INSM1: variants seen among roughly 807,000 people sequenced by gnomAD.
The protein encoded by INSM1 is INSM transcriptional repressor 1, also known as insulinoma-associated protein 1.
A neutral mutation model predicts 21.1 loss-of-function variants in INSM1; 11 were observed. The ratio of observed to expected loss-of-function variants is 0.52; its 90% CI spans 0.33 to 0.86. INSM1 has a LOEUF of 0.86. INSM1 is among the 40% of genes least tolerant of loss of function. The pLI is 0.03. For synonymous variants in INSM1, 473 were observed against 386.1 expected (o/e 1.23, Z -2.64); for missense variants, 843 against 760.1 (o/e 1.11, Z -1.28).
rs775425291 is a variant in INSM1, at chr20:20,369,837, C to T, written c.*37C>T. ...CACCCCGGCCCCCGAACTGTGCCTT[C>T]GCTTGGAGACCCACAAAGAGAGTGC... On this transcript the variant is annotated 3_prime_UTR_variant, in exon 1 of 1. Coordinates refer to ENST00000310227, the MANE Select transcript of INSM1 (RefSeq NM_002196.3). This position sits in a 1 kb window ranked among gnomAD's most constrained non-coding sequence, Gnocchi z 5.6. 66 of 1,543,856 alleles carry T rather than the reference C, an allele frequency of 4.3e-5. No homozygotes were observed. Among genetic ancestry groups the T allele is most frequent in the African/African-American group, 5.5e-5 (4 of 73,026 alleles).
In INSM1 at chr20:20,370,706, C is replaced by T. The variant is rs1444494644; in HGVS notation, c.*906C>T. 6.0e-6 allele frequency: 1 copy of T among 167,004 alleles called. No homozygotes were observed. Among genetic ancestry groups the T allele is most frequent in the Non-Finnish European group, 1.5e-5 (1 of 68,122 alleles). 10.3% of individuals were successfully genotyped at this position (167,004 alleles called of 1,614,324 possible). On this transcript the variant is annotated 3_prime_UTR_variant, in exon 1 of 1. Transcript: ENST00000310227. ...GTGCGTTTTAGAAGAGAGCCTTTTT[C>T]TAAAGGGATCTGCTTAAAGTTTTAA... is the stretch of plus-strand genomic sequence containing the variant.
In INSM1 at chr20:20,369,951, G is replaced by T. The variant is rs568701574; in HGVS notation, c.*151G>T. 3 of 678,424 alleles carry T rather than the reference G, an allele frequency of 4.4e-6. No homozygotes were observed. The Admixed American group carries it at 9.4e-5, about 21-fold the overall frequency. 42.0% of individuals were successfully genotyped at this position (678,424 alleles called of 1,614,324 possible). On this transcript the variant is annotated 3_prime_UTR_variant, in exon 1 of 1. Transcript: ENST00000310227. The surrounding 1 kb of genome is among the most constrained non-coding windows in gnomAD (Gnocchi z 5.6). ...AAGTGTCGTCTCCGCTTCTCTCGGT[G>T]TGGCGTGACGGTAACCCCATACTCT...
chr20:20,369,025 C>G lies in INSM1; in HGVS notation c.758C>G (p.Pro253Arg), dbSNP rs778760230. The G allele has an allele frequency of 1.3e-6, 2 of 1,523,784 alleles. No homozygotes were observed. Among genetic ancestry groups the G allele is most frequent in the Non-Finnish European group, 1.8e-6 (2 of 1,141,082 alleles). The allele number at this position is 1,523,784 out of a possible 1,614,324, so 94.4% of individuals were successfully genotyped here. Residue 253 changes from proline to arginine, a missense_variant, in exon 1 of 1, where the codon CCG becomes CGG. Transcript: ENST00000310227. The surrounding 1 kb of genome is among the most constrained non-coding windows in gnomAD (Gnocchi z 5.6). Reference protein sequence around the residue: ...LKIKEGPVEAPRGRAGGAARP... With the variant: ...LKIKEGPVEARRGRAGGAARP... Reference sequence around the variant, plus strand: ...ATCAAGGAGGGCCCGGTGGAGGCGCCGCGGGGCCGCGCGGGGGGCGCGGCG... The same window carrying G: ...ATCAAGGAGGGCCCGGTGGAGGCGCGGCGGGGCCGCGCGGGGGGCGCGGCG...
Position 20,368,784 on chromosome 20 carries a change from T to C in INSM1, c.517T>C (p.Phe173Leu), listed in dbSNP as rs2059486398. ...APAELKMGTA[F>L]SAGAEAARGP... Reference sequence around the variant, plus strand: ...CGCCGAGCTCAAGATGGGCACGGCGTTCTCGGCTGGCGCCGAGGCGGCCCG... The same window carrying C: ...CGCCGAGCTCAAGATGGGCACGGCGCTCTCGGCTGGCGCCGAGGCGGCCCG... Residue 173 changes from phenylalanine (F) to leucine (L), a missense_variant, in exon 1 of 1, where the codon TTC (phenylalanine) becomes CTC (leucine). Phe to Leu is a conservative substitution (Grantham distance 22, BLOSUM62 0). Transcript: ENST00000310227. This position sits in a 1 kb window ranked among gnomAD's most constrained non-coding sequence, Gnocchi z 4.3. The C allele has an allele frequency of 1.8e-6, 2 of 1,107,346 alleles. No homozygotes were observed. Among genetic ancestry groups the C allele is most frequent in the Non-Finnish European group, 2.3e-6 (2 of 885,992 alleles). 68.6% of individuals were successfully genotyped at this position (1,107,346 alleles called of 1,614,324 possible).
Position 20,368,266 on chromosome 20 carries a change from A to G in INSM1, c.-2A>G, listed in dbSNP as rs1289844761. ...AGTGCCGTGCCCTCGGGCCGCGCCA[A>G]CATGCCCCGCGGCTTCCTGGTGAAG... On this transcript the variant is annotated 5_prime_UTR_variant, in exon 1 of 1. Coordinates refer to ENST00000310227, the MANE Select transcript of INSM1 (RefSeq NM_002196.3). This position sits in a 1 kb window ranked among gnomAD's most constrained non-coding sequence, Gnocchi z 4.3. The G allele has an allele frequency of 7.9e-7, 1 of 1,258,380 alleles. No individual in the cohort carries two copies. The highest frequency in any genetic ancestry group is 1.0e-6 in the Non-Finnish European group (1 of 987,510). The allele number at this position is 1,258,380 out of a possible 1,614,324, so 78.0% of individuals were successfully genotyped here.
Position 20,368,649 on chromosome 20 carries a change from G to A in INSM1, c.382G>A (p.Ala128Thr). Residue 128 changes from alanine (A) to threonine (T), a missense_variant, in exon 1 of 1, where the codon GCC becomes ACC. Physicochemically the swap from Ala to Thr is moderately conservative, Grantham distance 58. Transcript: ENST00000310227. This position sits in a 1 kb window ranked among gnomAD's most constrained non-coding sequence, Gnocchi z 4.3. The part of the protein sequence containing the change: ...RSFNLGSPVS[A>T]ESFPTPAALL... Reference sequence around the variant, plus strand: ...CTTCAACCTGGGCTCGCCGGTCTCGGCCGAGTCCTTCCCCACGCCCGCCGC... The same window carrying A: ...CTTCAACCTGGGCTCGCCGGTCTCGACCGAGTCCTTCCCCACGCCCGCCGC... The A allele has an allele frequency of 1.4e-6, 2 of 1,429,994 alleles. No homozygotes were observed. Among genetic ancestry groups the A allele is most frequent in the Non-Finnish European group, 1.9e-6 (2 of 1,076,032 alleles). 88.6% of individuals were successfully genotyped at this position (1,429,994 alleles called of 1,614,324 possible).
rs2059490701 is a variant in INSM1 at position 20,369,494 on chromosome 20, C to T, written c.1227C>T (p.Ala409=). The change falls in exon 1 of 1, where the codon GCC becomes GCT. Residue 409 remains alanine (A), a synonymous_variant. Transcript: ENST00000310227. The surrounding 1 kb of genome is among the most constrained non-coding windows in gnomAD (Gnocchi z 5.6). ...CGCCCCCGGCCGAGGACCTACTGGCCTTGTACCCCGGGCCCGACGAGAAGG... is the reference window on the plus strand; with the variant it reads ...CGCCCCCGGCCGAGGACCTACTGGCTTTGTACCCCGGGCCCGACGAGAAGG... ...PLAPPAEDLL[A]LYPGPDEKAP... 3 of 1,543,820 alleles carry T rather than the reference C, an allele frequency of 1.9e-6. No individual in the cohort carries two copies. Among genetic ancestry groups the T allele is most frequent in the South Asian group, 2.4e-5 (2 of 84,534 alleles).
chr20:20,369,977 C>T lies in INSM1; in HGVS notation c.*177C>T. 1 of 585,550 alleles carries T rather than the reference C, an allele frequency of 1.7e-6. No homozygotes were observed. Among genetic ancestry groups the T allele is most frequent in the South Asian group, 2.4e-5 (1 of 41,654 alleles). The allele number at this position is 585,550 out of a possible 1,614,324, so 36.3% of individuals were successfully genotyped here. On this transcript the variant is annotated 3_prime_UTR_variant, in exon 1 of 1. Transcript: ENST00000310227. The surrounding 1 kb of genome is among the most constrained non-coding windows in gnomAD (Gnocchi z 5.6). ...TGGCGTGACGGTAACCCCATACTCT[C>T]CTTTTGACTCCTTTTGGAACCCCCA... is the stretch of plus-strand genomic sequence containing the variant.
chr20:20,369,283 C>T lies in INSM1; in HGVS notation c.1016C>T (p.Ala339Val). The change falls in exon 1 of 1, where the codon GCG becomes GTG. Residue 339 changes from alanine to valine, a missense_variant. Physicochemically the swap from Ala to Val is moderately conservative, Grantham distance 64. Coordinates refer to ENST00000310227, the MANE Select transcript of INSM1 (RefSeq NM_002196.3). This position sits in a 1 kb window ranked among gnomAD's most constrained non-coding sequence, Gnocchi z 5.6. Reference protein sequence around the residue: ...PEPEAAARAEAREAPGGGSDR... With the variant: ...PEPEAAARAEVREAPGGGSDR... Reference sequence around the variant, plus strand: ...CCAGAAGCAGCAGCCAGGGCTGAGGCGCGGGAGGCACCCGGCGGCGGCAGC... The same window carrying T: ...CCAGAAGCAGCAGCCAGGGCTGAGGTGCGGGAGGCACCCGGCGGCGGCAGC... The T allele has an allele frequency of 7.3e-7, 1 of 1,378,962 alleles. No individual in the cohort carries two copies. The highest frequency in any genetic ancestry group is 1.8e-5 in the South Asian group (1 of 56,798). 85.4% of individuals were successfully genotyped at this position (1,378,962 alleles called of 1,614,324 possible). A position where few individuals can be genotyped will look rare whatever the true frequency, so the allele number is the denominator to read the frequency against.
In INSM1 at chr20:20,368,964, G is replaced by A; in HGVS notation, c.697G>A (p.Asp233Asn). The A allele has an allele frequency of 6.4e-7, 1 of 1,556,190 alleles. No homozygotes were observed. The highest frequency in any genetic ancestry group is 1.9e-4 in the Middle Eastern group (1 of 5,308). ...PKAIRKLHFE[D>N]EVTTSPVLGL... ...GGCCATCCGCAAGCTGCACTTCGAG[G>A]ACGAGGTGACCACGTCGCCCGTGCT... The change falls in exon 1 of 1, where the codon GAC (aspartate) becomes AAC (asparagine). Residue 233 changes from aspartate to asparagine, a missense_variant. Transcript: ENST00000310227. This position sits in a 1 kb window ranked among gnomAD's most constrained non-coding sequence, Gnocchi z 4.3.
chr20:20,369,456 G>C lies in INSM1; in HGVS notation c.1189G>C (p.Gly397Arg). The C allele has an allele frequency of 2.6e-6, 4 of 1,534,698 alleles. No individual in the cohort carries two copies. Among genetic ancestry groups the C allele is most frequent in the Non-Finnish European group, 3.5e-6 (4 of 1,151,328 alleles). ...LAHHQALQAK[G>R]APLAPPAEDL... The stretch of plus-strand genomic sequence containing the variant: ...GCACCACCAGGCGCTGCAGGCCAAG[G>C]GCGCGCCGCTAGCGCCCCCGGCCGA... Residue 397 changes from glycine (G) to arginine (R), a missense_variant, in exon 1 of 1, where the codon GGC becomes CGC. Physicochemically the swap from Gly to Arg is moderately radical, Grantham distance 125 (BLOSUM62 -2). Coordinates refer to ENST00000310227, the MANE Select transcript of INSM1 (RefSeq NM_002196.3). This position sits in a 1 kb window ranked among gnomAD's most constrained non-coding sequence, Gnocchi z 5.6.
At position 20,368,675 on chromosome 20, in the gene INSM1, G is replaced by T. The variant is rs2059485743; in HGVS notation, c.408G>T (p.Ala136=). Residue 136 remains alanine, a synonymous_variant, in exon 1 of 1, where the codon GCG becomes GCT. Coordinates refer to ENST00000310227, the MANE Select transcript of INSM1 (RefSeq NM_002196.3). The surrounding 1 kb of genome is among the most constrained non-coding windows in gnomAD (Gnocchi z 4.3). Reference sequence around the variant, plus strand: ...CCGAGTCCTTCCCCACGCCCGCCGCGCTGCTCGGAGGGGGCGGCGGCGGCG... The same window carrying T: ...CCGAGTCCTTCCCCACGCCCGCCGCTCTGCTCGGAGGGGGCGGCGGCGGCG... ...VSAESFPTPA[A]LLGGGGGGGA... The T allele has an allele frequency of 1.4e-6, 2 of 1,383,800 alleles. No homozygotes were observed. Among genetic ancestry groups the T allele is most frequent in the Non-Finnish European group, 1.9e-6 (2 of 1,050,266 alleles). The allele number at this position is 1,383,800 out of a possible 1,614,324, so 85.7% of individuals were successfully genotyped here.
rs755589160 is a variant in INSM1, at chr20:20,369,396, C to T, written c.1129C>T (p.Arg377Cys). ...GTGCCATCACTGCGCCAAGAAGTTCCGCCGCCAGGCCTACCTACGCAAGCA... is the reference window on the plus strand; with the variant it reads ...GTGCCATCACTGCGCCAAGAAGTTCTGCCGCCAGGCCTACCTACGCAAGCA... ...YECHHCAKKFRRQAYLRKHLL... is the reference protein window; with the variant it reads ...YECHHCAKKFCRQAYLRKHLL... The change falls in exon 1 of 1, where the codon CGC (arginine) becomes TGC (cysteine). Residue 377 changes from arginine (R) to cysteine (C), a missense_variant. Transcript: ENST00000310227. This position sits in a 1 kb window ranked among gnomAD's most constrained non-coding sequence, Gnocchi z 5.6. 489 of 1,552,748 alleles carry T rather than the reference C, an allele frequency of 3.1e-4. No homozygotes were observed. The highest frequency in any genetic ancestry group is 4.1e-4 in the Non-Finnish European group (471 of 1,160,914).
At position 20,369,131 on chromosome 20, in the gene INSM1, G is replaced by C. The variant is rs749063014; in HGVS notation, c.864G>C (p.Ser288=). The change falls in exon 1 of 1, where the codon TCG becomes TCC. Residue 288 remains serine, a synonymous_variant. Transcript: ENST00000310227. The surrounding 1 kb of genome is among the most constrained non-coding windows in gnomAD (Gnocchi z 5.6). The part of the protein sequence containing the change: ...DPFALAQHKC[S]RIVRVEYRCP... ...TCGCGCTGGCGCAGCACAAATGCTC[G>C]CGCATCGTGCGTGTGGAGTACCGCT... is the stretch of plus-strand genomic sequence containing the variant. The C allele has an allele frequency of 1.9e-6, 3 of 1,586,298 alleles. No homozygotes were observed. The highest frequency in any genetic ancestry group is 1.1e-5 in the South Asian group (1 of 89,828).
Position 20,369,512 on chromosome 20 carries a change from C to G in INSM1, c.1245C>G (p.Asp415Glu). ...EDLLALYPGP[D>E]EKAPQEAAGD... ...TACTGGCCTTGTACCCCGGGCCCGA[C>G]GAGAAGGCGCCCCAGGAGGCGGCCG... is the stretch of plus-strand genomic sequence containing the variant. The change falls in exon 1 of 1, where the codon GAC becomes GAG. Residue 415 changes from aspartate to glutamate, a missense_variant. Coordinates refer to ENST00000310227, the MANE Select transcript of INSM1 (RefSeq NM_002196.3). This position sits in a 1 kb window ranked among gnomAD's most constrained non-coding sequence, Gnocchi z 5.6. 7 of 1,548,328 alleles carry G rather than the reference C, an allele frequency of 4.5e-6. No homozygotes were observed. Among genetic ancestry groups the G allele is most frequent in the Non-Finnish European group, 5.2e-6 (6 of 1,155,936 alleles).
chr20:20,369,633 C>A lies in INSM1; in HGVS notation c.1366C>A (p.Gln456Lys). ...CGESFASKGAQERHLRLLHAA... is the reference protein window; with the variant it reads ...CGESFASKGAKERHLRLLHAA... ...AGAGTCGTTCGCCAGCAAGGGCGCTCAGGAGCGCCACCTGCGCCTGCTGCA... is the reference window on the plus strand; with the variant it reads ...AGAGTCGTTCGCCAGCAAGGGCGCTAAGGAGCGCCACCTGCGCCTGCTGCA... The change falls in exon 1 of 1, where the codon CAG (glutamine) becomes AAG (lysine). Residue 456 changes from glutamine (Q) to lysine (K), a missense_variant. Physicochemically the swap from Gln to Lys is moderately conservative, Grantham distance 53. Transcript: ENST00000310227. The surrounding 1 kb of genome is among the most constrained non-coding windows in gnomAD (Gnocchi z 5.6). The A allele has an allele frequency of 6.2e-7, 1 of 1,600,784 alleles. No homozygotes were observed. The highest frequency in any genetic ancestry group is 8.5e-7 in the Non-Finnish European group (1 of 1,179,748).
Position 20,370,079 on chromosome 20 carries a change from T to C in INSM1, c.*279T>C, listed in dbSNP as rs541234929. 5.8e-4 allele frequency: 229 copies of C among 396,932 alleles called. No homozygotes were observed. Among genetic ancestry groups the C allele is most frequent in the African/African-American group, 4.0e-3 (191 of 48,048 alleles). 24.6% of individuals were successfully genotyped at this position (396,932 alleles called of 1,614,324 possible). A position where few individuals can be genotyped will look rare whatever the true frequency, so the allele number is the denominator to read the frequency against. On this transcript the variant is annotated 3_prime_UTR_variant, in exon 1 of 1. Coordinates refer to ENST00000310227, the MANE Select transcript of INSM1 (RefSeq NM_002196.3). ...CTTTCTGTACAAGGGAGAAAAGCTG[T>C]ACGCGTTTGTCTCGTGGTTGGAAGC...
At position 20,368,338 on chromosome 20, in the gene INSM1, A is replaced by T. The variant is rs1323088753; in HGVS notation, c.71A>T (p.Glu24Val). 2 of 1,276,772 alleles carry T rather than the reference A, an allele frequency of 1.6e-6. No homozygotes were observed. The highest frequency in any genetic ancestry group is 1.6e-5 in the African/African-American group (1 of 62,952). The allele number at this position is 1,276,772 out of a possible 1,614,324, so 79.1% of individuals were successfully genotyped here. Reference sequence around the variant, plus strand: ...GTTTCCTACCGGGTCCGCGGCGGCGAGGACGGCGACCGCGCACTGCTGCTC... The same window carrying T: ...GTTTCCTACCGGGTCCGCGGCGGCGTGGACGGCGACCGCGCACTGCTGCTC... Reference protein sequence around the residue: ...TPVSYRVRGGEDGDRALLLSP... With the variant: ...TPVSYRVRGGVDGDRALLLSP... The change falls in exon 1 of 1, where the codon GAG (glutamate) becomes GTG (valine). Residue 24 changes from glutamate (E) to valine (V), a missense_variant. Glu to Val is a moderately radical substitution (Grantham distance 121). Coordinates refer to ENST00000310227, the MANE Select transcript of INSM1 (RefSeq NM_002196.3). This position sits in a 1 kb window ranked among gnomAD's most constrained non-coding sequence, Gnocchi z 4.3.
In INSM1 at chr20:20,369,911, G is replaced by A. The variant is rs963384882; in HGVS notation, c.*111G>A. 5 of 889,542 alleles carry A rather than the reference G, an allele frequency of 5.6e-6. No homozygotes were observed. In the Admixed American group the frequency reaches 9.5e-5, roughly 17 times the overall value. The allele number at this position is 889,542 out of a possible 1,614,324, so 55.1% of individuals were successfully genotyped here. ...TCCGCGCTGGGGGAGCCTCGCCCCC[G>A]CCCCCACCGGGTGAAAGTGTCGTCT... On this transcript the variant is annotated 3_prime_UTR_variant, in exon 1 of 1. Transcript: ENST00000310227. The surrounding 1 kb of genome is among the most constrained non-coding windows in gnomAD (Gnocchi z 5.6).
Sources: allele counts gnomAD v4.1 joint callset, GRCh38; gene constraint gnomAD v4.1.1; non-coding constraint Gnocchi (gnomAD v3.1); transcripts MANE v1.5; gene names NCBI Gene and HGNC (gene_info 2026-07-23, HGNC 2026-07-21).